The following PLCB4 variants were observed in gnomAD, a reference collection of about 807,000 sequenced individuals.
PLCB4 encodes phospholipase C beta 4.
PLCB4 carries 77 observed loss-of-function variants against 178.8 expected under a neutral mutation model. The observed-to-expected ratio is 0.43, with a 90% confidence interval of 0.36 to 0.52. The LOEUF (loss-of-function observed/expected upper bound fraction) is 0.52, where lower values mean the gene tolerates loss of function less well. Among genes scored for constraint, PLCB4 ranks in the 20% least tolerant of loss-of-function variants. The pLI is 0.00. For missense variants in PLCB4, 1,024 were observed against 1,453.4 expected (o/e 0.70, Z 4.80); for synonymous variants, 496 against 490.8 (o/e 1.01, Z -0.14).
intron 25 of PLCB4, among the ~76,000 whole-genome samples, chr20:9,411,970 G>T (rs2148517392): frequency 6.6e-6 from 1 of 152,266 alleles, no homozygotes; most frequent in South Asian, 2.1e-4. Flanking sequence ...TGTGAGTTAG[G>T]AATGACTTTT....
At position 9,358,383 on chromosome 20, in the gene PLCB4, G is replaced by A. The variant is rs115402503; in HGVS notation, c.370-4513G>A. On this transcript the variant is annotated intron_variant, in intron 7 of 39. Coordinates refer to ENST00000378473, the MANE Select transcript of PLCB4 (RefSeq NM_001377142.1). ...AGGAGGATGCTACTGAGTCCCTTTG[G>A]AGAAAATTACATCACAAACTTGGAG... Among the ~76,000 whole-genome samples the A allele has an allele frequency of 1.4e-3, 209 of 152,294 alleles. 1 individual carries two copies. The highest frequency in any genetic ancestry group is 5.0e-3 in the African/African-American group (206 of 41,568).
chr20:9,286,049 C>G (rs1349628244), intron 3 of PLCB4, among the ~76,000 whole-genome samples: 2 of 151,966 alleles, frequency 1.3e-5, no homozygotes, highest in East Asian at 3.9e-4. Context: ...TTGGTTGAAG[C>G]AGGTCTTAAA....
intron 35 of PLCB4, 116 bp from the exon 36 acceptor site, chr20:9,468,455 C>T (rs563287900): frequency 1.7e-4 from 119 of 692,388 alleles, no homozygotes; most frequent in Non-Finnish European, 2.8e-4. Flanking sequence ...GTTGTGTACC[C>T]GTCACTGCCA....
intron 2 of PLCB4, among the ~76,000 whole-genome samples, chr20:9,154,535 G>C (rs1276717799): frequency 6.6e-6 from 1 of 152,128 alleles, no homozygotes; most frequent in Non-Finnish European, 1.5e-5. Context: ...TGTGCATAAT[G>C]AACATACACA....
chr20:9,332,306 A>C (rs1301517761), intron 4 of PLCB4, among the ~76,000 whole-genome samples: 1 of 152,152 alleles, frequency 6.6e-6, no homozygotes, highest in Admixed American at 6.5e-5. Context: ...GTCAGGAGGG[A>C]TTCATGTGAA....
chr20:9,375,675 C>T (rs1369653682), intron 12 of PLCB4, among the ~76,000 whole-genome samples: 1 of 151,756 alleles, frequency 6.6e-6, no homozygotes, highest in Non-Finnish European at 1.5e-5. Context: ...TATAATGAGA[C>T]AAAAAAATAA....
chr20:9,146,935 A>G (rs1261613074), intron 2 of PLCB4, among the ~76,000 whole-genome samples: 1 of 152,166 alleles, frequency 6.6e-6, no homozygotes, highest in Non-Finnish European at 1.5e-5. Context: ...TGGAACATTT[A>G]TCTTTTATTT....
chr20:9,130,295 G>C (rs958954904), intron 2 of PLCB4, among the ~76,000 whole-genome samples: 2 of 152,080 alleles, frequency 1.3e-5, no homozygotes, highest in African/African-American at 4.8e-5. Context: ...CATTTCAAAG[G>C]GAAAATGTGT....
intron 3 of PLCB4, among the ~76,000 whole-genome samples, chr20:9,234,318 C>T (rs1292441320): frequency 6.6e-6 from 1 of 152,048 alleles, no homozygotes; most frequent in Non-Finnish European, 1.5e-5. Context: ...CTGGAGCAGT[C>T]AGATCCATGA....
chr20:9,432,713 A>G (rs2041507395), intron 28 of PLCB4, among the ~76,000 whole-genome samples: 1 of 152,200 alleles, frequency 6.6e-6, no homozygotes, highest in Non-Finnish European at 1.5e-5. Flanking sequence ...GACCTTAATC[A>G]TGCCCACTTC....
chr20:9,263,328 A>G (rs1202426874), intron 3 of PLCB4, among the ~76,000 whole-genome samples: 3 of 152,142 alleles, frequency 2.0e-5, no homozygotes, highest in African/African-American at 7.2e-5. Context: ...CCACTACCCT[A>G]TGATATCTTA....
chr20:9,274,334 G>A (rs542183494), intron 3 of PLCB4, among the ~76,000 whole-genome samples: 63 of 152,066 alleles, frequency 4.1e-4, no homozygotes, highest in Non-Finnish European at 7.2e-4. Context: ...AAACTTTCTT[G>A]TATGTCATCT....
intron 1 of PLCB4, among the ~76,000 whole-genome samples, chr20:9,095,540 A>G (rs901716348): frequency 5.9e-5 from 9 of 152,306 alleles, no homozygotes; most frequent in African/African-American, 2.2e-4. Context: ...ATTAAACTAA[A>G]CCATTTACTT....
chr20:9,154,387 A>AT (rs1260547336), intron 2 of PLCB4, among the ~76,000 whole-genome samples: 1 of 152,204 alleles, frequency 6.6e-6, no homozygotes, highest in African/African-American at 2.4e-5. Flanking sequence ...CTATTGAGTT[A>AT]TAACTGGCAA....
chr20:9,439,530 G>A lies in PLCB4; in HGVS notation c.2764+2378G>A, dbSNP rs969638699. ...TTATCTGATCTAAGAAGTTGGTTAG[G>A]TGGCTGCTCTCTGCTGAGAAACGTA... On this transcript the variant is annotated intron_variant, in intron 30 of 39. Coordinates refer to ENST00000378473, the MANE Select transcript of PLCB4 (RefSeq NM_001377142.1). Among the ~76,000 whole-genome samples the A allele has an allele frequency of 9.9e-5, 15 of 152,212 alleles. 1 individual carries two copies. The highest frequency in any genetic ancestry group is 8.5e-4 in the Admixed American group (13 of 15,282).
intron 2 of PLCB4, among the ~76,000 whole-genome samples, chr20:9,210,151 T>C (rs1220470870): frequency 2.6e-5 from 4 of 152,062 alleles, no homozygotes; most frequent in Non-Finnish European, 5.9e-5. Context: ...AGGTTAGCAA[T>C]TGCAAAGCCA....
intron 2 of PLCB4, chr20:9,166,343 T>C (rs535337613): frequency 6.6e-6 from 1 of 152,294 alleles, no homozygotes; most frequent in Non-Finnish European, 1.5e-5. Context: ...CGGGCAGTGT[T>C]CCTCGGCAAT....
At chr20:9,266,169 C>G (rs1319238496) in intron 3 of PLCB4, among the ~76,000 whole-genome samples, 1 of 152,126 alleles carries the variant, frequency 6.6e-6, no homozygotes, top group African/African-American at 2.4e-5. Context: ...AATGTGTGGT[C>G]TCCTGATGGG....
intron 2 of PLCB4, among the ~76,000 whole-genome samples, chr20:9,202,151 A>G (rs1601106890): frequency 1.3e-5 from 2 of 152,240 alleles, no homozygotes; most frequent in East Asian, 1.9e-4. Context: ...AAGGCTACAT[A>G]CTATATGATT....
Sources: allele counts gnomAD v4.1 joint callset (sites outside exome capture counted in the v4.1 genomes callset), GRCh38; gene constraint gnomAD v4.1.1; transcripts MANE v1.5; gene names NCBI Gene and HGNC (gene_info 2026-07-23, HGNC 2026-07-21).